The following GPAT4 variants were observed in gnomAD, a reference collection of about 807,000 sequenced individuals.
The protein encoded by GPAT4 is 1-AGP acyltransferase 6.
A neutral mutation model predicts 58.0 loss-of-function variants in GPAT4; 17 were observed. The observed-to-expected ratio is 0.29, with a 90% confidence interval of 0.20 to 0.44. GPAT4 has a LOEUF of 0.44. Ranked by LOEUF, GPAT4 falls within the 20% of genes least tolerant of loss-of-function variation. GPAT4 has a pLI of 1.00. For synonymous variants in GPAT4, 204 were observed against 210.1 expected (o/e 0.97, Z 0.25); for missense variants, 377 against 574.5 (o/e 0.66, Z 3.51).
At chr8:41,596,528 T>C (rs1172730707) in intron 1 of GPAT4, among the ~76,000 whole-genome samples, 1 of 152,216 alleles carries the variant, frequency 6.6e-6, no homozygotes, top group Non-Finnish European at 1.5e-5. Context: ...GACTCCCAAG[T>C]GCCAGTTCCT....
At chr8:41,585,196 G>A (rs1249138674) in intron 1 of GPAT4, among the ~76,000 whole-genome samples, 1 of 152,210 alleles carries the variant, frequency 6.6e-6, no homozygotes, top group Non-Finnish European at 1.5e-5. Context: ...GTGCGTGTTT[G>A]TTTACATTAC....
At chr8:41,581,709 A>G (rs1347216471) in intron 1 of GPAT4, among the ~76,000 whole-genome samples, 5 of 149,724 alleles carry the variant, frequency 3.3e-5, no homozygotes, top group African/African-American at 1.2e-4. Flanking sequence ...GCTCACTGCA[A>G]GCTCCGCCTC....
intron 1 of GPAT4, among the ~76,000 whole-genome samples, chr8:41,597,307 C>G (rs1802960186): frequency 6.6e-6 from 1 of 152,084 alleles, no homozygotes; most frequent in Non-Finnish European, 1.5e-5. Context: ...TTTGGAATAG[C>G]CTGAAGGTGA....
chr8:41,595,162 T>TG (rs975664761), intron 1 of GPAT4, among the ~76,000 whole-genome samples: 2 of 150,648 alleles, frequency 1.3e-5, no homozygotes, highest in African/African-American at 4.9e-5. Flanking sequence ...TATAGTTTTT[T>TG]TTTTTTTTTT....
Position 41,599,255 on chromosome 8 carries a change from C to G in GPAT4, c.116C>G (p.Ser39Cys). The G allele has an allele frequency of 6.2e-7, 1 of 1,614,100 alleles. No individual in the cohort carries two copies. The highest frequency in any genetic ancestry group is 8.5e-7 in the Non-Finnish European group (1 of 1,180,008). The change falls in exon 2 of 13, where the codon TCC (serine) becomes TGC (cysteine). Residue 39 changes from serine to cysteine, a missense_variant. Physicochemically the swap from Ser to Cys is moderately radical, Grantham distance 112 (BLOSUM62 -1). Transcript: ENST00000396987. The stretch of plus-strand genomic sequence containing the variant: ...ATAGTGCCAGCCATTTTTGGAGTCT[C>G]CTTTGGTATCCGCAAACTCTACATG... ...FIIVPAIFGV[S>C]FGIRKLYMKS... is the part of the protein sequence containing the mutation.
chr8:41,583,789 G>GT (rs1327542407), intron 1 of GPAT4, among the ~76,000 whole-genome samples: 3 of 152,146 alleles, frequency 2.0e-5, no homozygotes, highest in Non-Finnish European at 2.9e-5. Flanking sequence ...GTGGTCATTG[G>GT]TTTTTTCTTT....
chr8:41,588,394 T>C (rs998284946), intron 1 of GPAT4, among the ~76,000 whole-genome samples: 5 of 152,234 alleles, frequency 3.3e-5, no homozygotes, highest in Non-Finnish European at 7.3e-5. Context: ...CCCAGTCCAA[T>C]ACCTTGTGAT....
intron 8 of GPAT4, among the ~76,000 whole-genome samples, chr8:41,614,185 T>A (rs1803528072): frequency 6.6e-6 from 1 of 152,258 alleles, no homozygotes; most frequent in East Asian, 1.9e-4. Flanking sequence ...GTTCTGTGAA[T>A]TAAATGGTAA....
intron 2 of GPAT4, among the ~76,000 whole-genome samples, chr8:41,607,584 G>A (rs1585667849): frequency 1.3e-5 from 2 of 150,750 alleles, no homozygotes; most frequent in Admixed American, 1.3e-4. Context: ...TATCTCCCAG[G>A]CTGTAGTGCA....
chr8:41,579,360 G>C (rs967826743), intron 1 of GPAT4, among the ~76,000 whole-genome samples: 23 of 152,272 alleles, frequency 1.5e-4, no homozygotes, highest in South Asian at 6.2e-4. Context: ...GTCTCAGGGA[G>C]AACTTGATGC....
chr8:41,588,987 G>A (rs1465948109), intron 1 of GPAT4, among the ~76,000 whole-genome samples: 1 of 152,206 alleles, frequency 6.6e-6, no homozygotes, highest in Admixed American at 6.5e-5. Flanking sequence ...TCCTCTGAAT[G>A]AATGGCTTCC....
At chr8:41,619,026 G>C (rs576278321) in intron 12 of GPAT4, 49 bp downstream of exon 12, 4 of 1,595,912 alleles carry the variant, frequency 2.5e-6, no homozygotes, top group Non-Finnish European at 2.6e-6. Flanking sequence ...AGCAGATGCT[G>C]TGTCATTGAC....
Position 41,618,879 on chromosome 8 carries a change from CA to C in GPAT4, c.1183-18del. ...ACGTCAAGCCGGGGCTGAGTGGTCT[CA>C]TTTGTTCTTTCTTACAGGCAGATGA... On this transcript the variant is annotated intron_variant, in intron 11 of 12. Coordinates refer to ENST00000396987, the MANE Select transcript of GPAT4 (RefSeq NM_178819.4). 1 of 1,614,186 alleles carries C rather than the reference CA, an allele frequency of 6.2e-7. No homozygotes were observed. Among genetic ancestry groups the C allele is most frequent in the Non-Finnish European group, 8.5e-7 (1 of 1,180,034 alleles).
At position 41,621,221 on chromosome 8, in the gene GPAT4, A is replaced by G; in HGVS notation, c.*220A>G. On this transcript the variant is annotated 3_prime_UTR_variant, in exon 13 of 13. Transcript: ENST00000396987. The stretch of plus-strand genomic sequence containing the variant: ...TAAACGGATGCTGCTGGGTGTTGCG[A>G]CCCAGGACGAGATGCCTTGTTTCTT... 3 of 604,138 alleles carry G rather than the reference A, an allele frequency of 5.0e-6. No homozygotes were observed. Among genetic ancestry groups the G allele is most frequent in the Non-Finnish European group, 8.6e-6 (3 of 349,216 alleles). The allele number at this position is 604,138 out of a possible 1,614,324, so 37.4% of individuals were successfully genotyped here.
intron 2 of GPAT4, among the ~76,000 whole-genome samples, chr8:41,603,734 G>A (rs887185528): frequency 3.9e-5 from 6 of 152,146 alleles, no homozygotes; most frequent in South Asian, 2.1e-4. Context: ...TATCTGGCCC[G>A]TCTCTCAGGC....
intron 7 of GPAT4, among the ~76,000 whole-genome samples, chr8:41,612,560 G>C (rs2150503275): frequency 6.6e-6 from 1 of 152,338 alleles, no homozygotes; most frequent in East Asian, 1.9e-4. Context: ...GCCCAGGGAG[G>C]GGCAGTTTTA....
chr8:41,599,239 G>T lies in GPAT4; in HGVS notation c.100G>T (p.Ala34Ser), dbSNP rs1803016468. The T allele has an allele frequency of 6.2e-7, 1 of 1,614,062 alleles. No homozygotes were observed. The highest frequency in any genetic ancestry group is 8.5e-7 in the Non-Finnish European group (1 of 1,180,004). ...CCTTCTCGTTTTCATCATAGTGCCA[G>T]CCATTTTTGGAGTCTCCTTTGGTAT... Reference protein sequence around the residue: ...TLLLVFIIVPAIFGVSFGIRK... With the variant: ...TLLLVFIIVPSIFGVSFGIRK... The change falls in exon 2 of 13, where the codon GCC becomes TCC. Residue 34 changes from alanine to serine, a missense_variant. Physicochemically the swap from Ala to Ser is moderately conservative, Grantham distance 99 (BLOSUM62 1). Transcript: ENST00000396987.
chr8:41,596,569 T>C (rs184600488), intron 1 of GPAT4, among the ~76,000 whole-genome samples: 1 of 152,340 alleles, frequency 6.6e-6, no homozygotes, highest in East Asian at 1.9e-4. Flanking sequence ...GTTGATCCTC[T>C]GGGAGCCTGC....
intron 2 of GPAT4, among the ~76,000 whole-genome samples, chr8:41,600,976 T>G (rs567256798): frequency 3.3e-5 from 5 of 152,164 alleles, no homozygotes; most frequent in Non-Finnish European, 7.3e-5. Flanking sequence ...TATATTTTAC[T>G]GTATGTCTCT....
Sources: gnomAD v4.1 joint callset for allele counts (sites outside exome capture counted in the v4.1 genomes callset) on GRCh38, gnomAD v4.1.1 for gene constraint, MANE v1.5 for transcripts, NCBI Gene and HGNC (gene_info 2026-07-23, HGNC 2026-07-21) for gene names.